The following ALG6 variants were observed in gnomAD, a reference collection of about 807,000 sequenced individuals.
ALG6 encodes ALG6 alpha-1,3-glucosyltransferase, also known as dolichyl pyrophosphate Man9GlcNAc2 alpha-1,3-glucosyltransferase.
A neutral mutation model predicts 66.6 loss-of-function variants in ALG6; 46 were observed. The ratio of observed to expected loss-of-function variants is 0.69; its 90% CI spans 0.55 to 0.88. The LOEUF is 0.88. ALG6 is among the 40% of genes least tolerant of loss of function. ALG6 has a pLI of 0.00. For missense variants in ALG6, 505 were observed against 586.8 expected, an observed-to-expected ratio of 0.86 and a Z score of 1.44; for synonymous variants, 185 against 203.7, an observed-to-expected ratio of 0.91 and a Z score of 0.78.
At chr1:63,387,474 T>G (rs1459597369) in intron 2 of ALG6, among the ~76,000 whole-genome samples, 1 of 151,734 alleles carries the variant, frequency 6.6e-6, no homozygotes, top group African/African-American at 2.4e-5. Context: ...TTACCATTGT[T>G]ATATCTCTTG....
intron 2 of ALG6, among the ~76,000 whole-genome samples, chr1:63,373,430 C>T (rs941150874): frequency 6.6e-6 from 1 of 151,394 alleles, no homozygotes; most frequent in African/African-American, 2.4e-5. Flanking sequence ...TGGCAAAACC[C>T]CGTCTCTATT....
chr1:63,374,198 A>G (rs934766963), intron 2 of ALG6, among the ~76,000 whole-genome samples: 1 of 152,200 alleles, frequency 6.6e-6, no homozygotes, highest in Non-Finnish European at 1.5e-5. Flanking sequence ...AGGAATATGG[A>G]GGAAGTAAAA....
chr1:63,385,602 A>G (rs1648480382), intron 2 of ALG6, among the ~76,000 whole-genome samples: 1 of 152,048 alleles, frequency 6.6e-6, no homozygotes, highest in Non-Finnish European at 1.5e-5. Context: ...AGATTTTTCA[A>G]ATTTCTTTTT....
In ALG6 at chr1:63,370,780, A is replaced by G; in HGVS notation, c.-198A>G. The G allele has an allele frequency of 1.6e-6, 1 of 615,160 alleles. No individual in the cohort carries two copies. The highest frequency in any genetic ancestry group is 2.9e-6 in the Non-Finnish European group (1 of 343,398). The allele number at this position is 615,160 out of a possible 1,614,324, so 38.1% of individuals were successfully genotyped here. A position where few individuals can be genotyped will look rare whatever the true frequency, so the allele number is the denominator to read the frequency against. On this transcript the variant is annotated 5_prime_UTR_variant, in exon 2 of 15. Coordinates refer to ENST00000263440, the MANE Select transcript of ALG6 (RefSeq NM_013339.4). ...TTTTTTTTCCCCTTAGGATACTTCTACATAGACATAATCAAGTTTTGACTA... is the reference window on the plus strand; with the variant it reads ...TTTTTTTTCCCCTTAGGATACTTCTGCATAGACATAATCAAGTTTTGACTA...
At chr1:63,406,908 T>C (rs1235842239) in intron 6 of ALG6, among the ~76,000 whole-genome samples, 154 bp from the exon 7 acceptor site, 3 of 151,978 alleles carry the variant, frequency 2.0e-5, no homozygotes, top group African/African-American at 4.8e-5. Flanking sequence ...GTCTAAAGAG[T>C]TGTATTATAA....
chr1:63,369,822 A>G (rs984007957), intron 1 of ALG6, among the ~76,000 whole-genome samples: 3 of 150,414 alleles, frequency 2.0e-5, no homozygotes, highest in Admixed American at 6.6e-5. Context: ...TTTGCTTTTT[A>G]TTTTTTTTTG....
intron 3 of ALG6, among the ~76,000 whole-genome samples, chr1:63,399,442 C>T (rs1438310048): frequency 1.3e-5 from 2 of 152,194 alleles, no homozygotes; most frequent in Non-Finnish European, 2.9e-5. Context: ...ATGGTGTTCT[C>T]AGTGGTGACC....
At chr1:63,395,957 A>C (rs139335162) in intron 2 of ALG6, among the ~76,000 whole-genome samples, 109 of 152,332 alleles carry the variant, frequency 7.2e-4, no homozygotes, top group African/African-American at 2.5e-3. Context: ...TAAACAATAC[A>C]GTATAACAAC....
At chr1:63,428,019 A>C (rs540078650) in intron 12 of ALG6, among the ~76,000 whole-genome samples, 1 of 152,168 alleles carries the variant, frequency 6.6e-6, no homozygotes, top group South Asian at 2.1e-4. Context: ...CATGTTGGCC[A>C]GGCTGGTCTC....
At chr1:63,388,329 C>A (rs1448262899) in intron 2 of ALG6, among the ~76,000 whole-genome samples, 2 of 152,132 alleles carry the variant, frequency 1.3e-5, no homozygotes, top group Non-Finnish European at 2.9e-5. Context: ...CCATGCCCAG[C>A]TAATTTTTTG....
In ALG6 at chr1:63,414,062, A is replaced by G. The variant is rs932925244; in HGVS notation, c.818A>G (p.Asp273Gly). Residue 273 changes from aspartate to glycine, a missense_variant and splice_region_variant, in exon 10 of 15, where the codon GAT becomes GGT. Transcript: ENST00000263440. ...TAAAGCTAACAAATCTCTTTTAAGG[A>G]TAAAGTAGCCAATATTTGGTGCAGC... Reference protein sequence around the residue: ...LFPVDRGLFEDKVANIWCSFN... With the variant: ...LFPVDRGLFEGKVANIWCSFN... 2 of 1,607,606 alleles carry G rather than the reference A, an allele frequency of 1.2e-6. No individual in the cohort carries two copies. The highest frequency in any genetic ancestry group is 1.7e-5 in the Admixed American group (1 of 59,998).
At chr1:63,401,290 G>T (rs1187609530) in intron 3 of ALG6, among the ~76,000 whole-genome samples, 2 of 152,078 alleles carry the variant, frequency 1.3e-5, no homozygotes, top group African/African-American at 4.8e-5. Flanking sequence ...TTATTTGATG[G>T]GATCATGTTG....
In ALG6 at chr1:63,370,229, GA is replaced by G. The variant is rs1315236737; in HGVS notation, c.-207-541del. 2.0e-5 allele frequency among the ~76,000 whole-genome samples: 3 copies of G among 152,020 alleles called. No individual in the cohort carries two copies. In the East Asian group the frequency reaches 5.8e-4, roughly 29 times the overall value. The stretch of plus-strand genomic sequence containing the variant: ...TTTGTATTTTTTTCTCACGATTTGG[GA>G]TTATTCTTAATGATTCTTAAAAAGG... On this transcript the variant is annotated intron_variant, in intron 1 of 14. Transcript: ENST00000263440.
At position 63,437,334 on chromosome 1, in the gene ALG6, G is replaced by T; in HGVS notation, c.*314G>T. ...TACTCAGGAAATGCACTTTTTAAAT[G>T]TCTTTAAAAAACTGAGAAATATTTC... is the stretch of plus-strand genomic sequence containing the variant. On this transcript the variant is annotated 3_prime_UTR_variant, in exon 15 of 15. Coordinates refer to ENST00000263440, the MANE Select transcript of ALG6 (RefSeq NM_013339.4). 1 of 287,882 alleles carries T rather than the reference G, an allele frequency of 3.5e-6. No individual in the cohort carries two copies. Among genetic ancestry groups the T allele is most frequent in the Non-Finnish European group, 6.7e-6 (1 of 150,284 alleles). The allele number at this position is 287,882 out of a possible 1,614,324, so 17.8% of individuals were successfully genotyped here. A position where few individuals can be genotyped will look rare whatever the true frequency, so the allele number is the denominator to read the frequency against.
At chr1:63,415,734 TAATA>T (rs947309089) in intron 10 of ALG6, 135 bp from the exon 11 acceptor site, 33 of 552,764 alleles carry the variant, frequency 6.0e-5, no homozygotes, top group East Asian at 2.9e-4. Context: ...TCTTTAAATT[TAATA>T]AATAAAAATA....
At chr1:63,373,985 A>G (rs1648025985) in intron 2 of ALG6, among the ~76,000 whole-genome samples, 1 of 152,180 alleles carries the variant, frequency 6.6e-6, no homozygotes, top group African/African-American at 2.4e-5. Context: ...GGATTTATAG[A>G]AAGAACTTGT....
chr1:63,431,584 T>C (rs1406206436), intron 14 of ALG6, among the ~76,000 whole-genome samples: 1 of 152,120 alleles, frequency 6.6e-6, no homozygotes, highest in African/African-American at 2.4e-5. Flanking sequence ...ACCCGGCTAA[T>C]TTTTTTAGAG....
In ALG6 at chr1:63,370,793, C is replaced by A; in HGVS notation, c.-185C>A. On this transcript the variant is annotated 5_prime_UTR_variant, in exon 2 of 15. Transcript: ENST00000263440. ...TAGGATACTTCTACATAGACATAAT[C>A]AAGTTTTGACTATTTGGAAACCAAG... 1 of 627,700 alleles carries A rather than the reference C, an allele frequency of 1.6e-6. No individual in the cohort carries two copies. The highest frequency in any genetic ancestry group is 1.9e-5 in the South Asian group (1 of 53,276). 38.9% of individuals were successfully genotyped at this position (627,700 alleles called of 1,614,324 possible).
At chr1:63,435,567 G>A (rs1306929763) in intron 14 of ALG6, among the ~76,000 whole-genome samples, 3 of 152,034 alleles carry the variant, frequency 2.0e-5, no homozygotes, top group Non-Finnish European at 4.4e-5. Context: ...AGTCACTACT[G>A]TTTCTCACTG....
Sources: gnomAD v4.1 joint callset for allele counts (sites outside exome capture counted in the v4.1 genomes callset) on GRCh38, gnomAD v4.1.1 for gene constraint, MANE v1.5 for transcripts, NCBI Gene and HGNC (gene_info 2026-07-23, HGNC 2026-07-21) for gene names.